Variants in CACNA1C observed in about 807,000 individuals in gnomAD.
CACNA1C encodes calcium voltage-gated channel subunit alpha1 C, also known as voltage-dependent L-type calcium channel subunit alpha-1C.
A neutral mutation model predicts 229.0 loss-of-function variants in CACNA1C; 30 were observed. The observed-to-expected ratio is 0.13, with a 90% CI of 0.10 to 0.18. The LOEUF (loss-of-function observed/expected upper bound fraction) is 0.18, where lower values mean the gene tolerates loss of function less well. Ranked by LOEUF, CACNA1C falls within the 10% of genes least tolerant of loss-of-function variation. CACNA1C has a pLI of 1.00. For synonymous variants in CACNA1C, 1,114 were observed against 1,132.5 expected (o/e 0.98, Z 0.33); for missense variants, 1,658 against 2,845.0 (o/e 0.58, Z 9.49).
At position 2,680,515 on chromosome 12, in the gene CACNA1C, G is replaced by A. The variant is rs765829807; in HGVS notation, c.5444+719G>A. Reference sequence around the variant, plus strand: ...ATCGTGCCTGGCCACGCTTCACTGTGCTGCTCTTCCAGAGTAGGAGAGTGG... The same window carrying A: ...ATCGTGCCTGGCCACGCTTCACTGTACTGCTCTTCCAGAGTAGGAGAGTGG... On this transcript the variant is annotated intron_variant, in intron 42 of 46. Coordinates refer to ENST00000399655, the MANE Select transcript of CACNA1C (RefSeq NM_000719.7). The A allele has an allele frequency of 5.5e-5, 87 of 1,573,712 alleles. No homozygotes were observed. In the East Asian group the frequency reaches 1.9e-3, roughly 34 times the overall value.
chr12:2,291,686 C>G (rs965931207), intron 3 of CACNA1C, among the ~76,000 whole-genome samples: 10 of 152,136 alleles, frequency 6.6e-5, no homozygotes, highest in African/African-American at 2.4e-4. Context: ...TTGGAAGTGC[C>G]TGTTCTGGGT....
At position 2,596,012 on chromosome 12, in the gene CACNA1C, C is replaced by A; in HGVS notation, c.2793+9C>A. The A allele has an allele frequency of 6.2e-7, 1 of 1,609,290 alleles. No homozygotes were observed. Among genetic ancestry groups the A allele is most frequent in the Non-Finnish European group, 8.5e-7 (1 of 1,177,172 alleles). On this transcript the variant is annotated intron_variant, in intron 20 of 46. Coordinates refer to ENST00000399655, the MANE Select transcript of CACNA1C (RefSeq NM_000719.7). Reference sequence around the variant, plus strand: ...CCTCCTTCAGGAACCATGTATGCATCGCCTGTGTCTTCTGCACTCCTTCCC... The same window carrying A: ...CCTCCTTCAGGAACCATGTATGCATAGCCTGTGTCTTCTGCACTCCTTCCC...
Position 2,608,363 on chromosome 12 carries a change from A to C in CACNA1C, c.3357-148A>C, listed in dbSNP as rs1601922483. 1.7e-6 allele frequency: 1 copy of C among 578,250 alleles called. No individual in the cohort carries two copies. 35.8% of individuals were successfully genotyped at this position (578,250 alleles called of 1,614,324 possible). On this transcript the variant is annotated intron_variant, in intron 26 of 46. Transcript: ENST00000399655. The surrounding 1 kb of genome is among the most constrained non-coding windows in gnomAD (Gnocchi z 4.2). ...GGTTAAACGCTTTGCCCAAGGTCAC[A>C]CAGCCAGTAAGAGGCCGAGCTGGGA... is the stretch of plus-strand genomic sequence containing the variant.
At chr12:2,510,762 A>G (rs1251506346) in intron 8 of CACNA1C, among the ~76,000 whole-genome samples, 2 of 152,192 alleles carry the variant, frequency 1.3e-5, no homozygotes, top group African/African-American at 4.8e-5. Flanking sequence ...TGCAACTCCA[A>G]ACCCACCCCA....
chr12:2,085,937 C>T (rs890579465), intron 1 of CACNA1C, among the ~76,000 whole-genome samples: 4 of 152,162 alleles, frequency 2.6e-5, no homozygotes, highest in Non-Finnish European at 4.4e-5. Context: ...TTGGATATGC[C>T]GTTCCCTGTA....
rs2067425508 is a variant in CACNA1C at position 2,595,003 on chromosome 12, GGTTGGTGGGAGGGGTT to G, written c.2664-864_2664-849del. Among the ~76,000 whole-genome samples the G allele has an allele frequency of 6.6e-6, 1 of 152,198 alleles. No individual in the cohort carries two copies. Among genetic ancestry groups the G allele is most frequent in the Non-Finnish European group, 1.5e-5 (1 of 68,036 alleles). ...CCATACGTAGCCTCAGCTCAGTGGA[GGTTGGTGGGAGGGGTT>G]GTTGGTTTGAAGCAGATGATTCTTA... On this transcript the variant is annotated intron_variant, in intron 19 of 46. Transcript: ENST00000399655. The surrounding 1 kb of genome is among the most constrained non-coding windows in gnomAD (Gnocchi z 4.1).
At position 2,634,306 on chromosome 12, in the gene CACNA1C, T is replaced by C. The variant is rs770688034; in HGVS notation, c.3838T>C (p.Cys1280Arg). 2 of 1,564,888 alleles carry C rather than the reference T, an allele frequency of 1.3e-6. No individual in the cohort carries two copies. The highest frequency in any genetic ancestry group is 1.7e-6 in the Non-Finnish European group (2 of 1,150,192). The change falls in exon 30 of 47, where the codon TGT becomes CGT. Residue 1280 changes from cysteine (C) to arginine (R), a missense_variant. Around this residue, in one of 20 missense-constraint regions of CACNA1C, gnomAD observed 7 missense variants for 36.4 expected, o/e 0.19. Coordinates refer to ENST00000399655, the MANE Select transcript of CACNA1C (RefSeq NM_000719.7). ...GCTCTGCCCCATGCAGCACTATTTC[T>C]GTGATGCATGGAATACATTTGACGC... ...LIAFKPKHYF[C>R]DAWNTFDALI...
intron 3 of CACNA1C, among the ~76,000 whole-genome samples, chr12:2,145,533 A>T (rs1212907867): frequency 1.3e-5 from 2 of 151,142 alleles, no homozygotes; most frequent in East Asian, 1.9e-4. Flanking sequence ...TTGTAGGTTT[A>T]TACATGTGTT....
At chr12:2,389,830 G>A (rs1407808868) in intron 3 of CACNA1C, among the ~76,000 whole-genome samples, 2 of 152,066 alleles carry the variant, frequency 1.3e-5, no homozygotes, top group South Asian at 4.2e-4. Flanking sequence ...CTCCGGCACC[G>A]AATCCCTCCT....
Position 2,053,748 on chromosome 12 carries a change from C to A in CACNA1C, c.49+137C>A. On this transcript the variant is annotated intron_variant, in intron 1 of 46. Coordinates refer to ENST00000399655, the MANE Select transcript of CACNA1C (RefSeq NM_000719.7). The surrounding 1 kb of genome is among the most constrained non-coding windows in gnomAD (Gnocchi z 5.8). ...CCGCGTCCGCGAGGGGCGCCTCCGC[C>A]TCGTCGGAGCGCCCGGGAGCCCGGC... is the stretch of plus-strand genomic sequence containing the variant. 3 of 884,414 alleles carry A rather than the reference C, an allele frequency of 3.4e-6. No homozygotes were observed. The highest frequency in any genetic ancestry group is 2.9e-6 in the Non-Finnish European group (2 of 684,104). The allele number at this position is 884,414 out of a possible 1,614,324, so 54.8% of individuals were successfully genotyped here.
intron 3 of CACNA1C, among the ~76,000 whole-genome samples, chr12:2,308,073 TAC>T (rs1175640010): frequency 2.0e-5 from 3 of 152,290 alleles, no homozygotes; most frequent in South Asian, 4.1e-4. Flanking sequence ...AATACTGACT[TAC>T]ATAGTAAAGA....
At chr12:2,656,221 TGATAAACTAATTCAGTAA>T (rs2095413868) in intron 34 of CACNA1C, among the ~76,000 whole-genome samples, 2 of 152,222 alleles carry the variant, frequency 1.3e-5, no homozygotes, top group South Asian at 4.1e-4. Context: ...CTATTACAAC[TGATAAACTAATTCAGTAA>T]AGTTGCAGGA....
chr12:2,514,630 G>A (rs540481913), intron 9 of CACNA1C, among the ~76,000 whole-genome samples: 2 of 152,228 alleles, frequency 1.3e-5, no homozygotes, highest in South Asian at 2.1e-4. Context: ...TTTGTATGCT[G>A]GCTCCTGGCT....
chr12:2,004,692 A>C, intron 1 of CACNA1C: 1 of 496,256 alleles, frequency 2.0e-6, no homozygotes, highest in Non-Finnish European at 3.6e-6. Context: ...TTCTTTCTCC[A>C]AGAGCTGTTT....
At chr12:2,087,057 C>A (rs953690909) in intron 1 of CACNA1C, among the ~76,000 whole-genome samples, 5 of 152,132 alleles carry the variant, frequency 3.3e-5, no homozygotes, top group Non-Finnish European at 7.3e-5. Flanking sequence ...GATCTTCTAT[C>A]TCCCAGGCTG....
Position 2,696,681 on chromosome 12 carries a change from G to T in CACNA1C, c.*5482G>T, listed in dbSNP as rs746095788. 3 of 151,778 alleles carry T rather than the reference G, an allele frequency of 2.0e-5. No individual in the cohort carries two copies. Among genetic ancestry groups the T allele is most frequent in the Admixed American group, 2.0e-4 (3 of 15,252 alleles). The allele number at this position is 151,778 out of a possible 1,614,324, so 9.4% of individuals were successfully genotyped here. On this transcript the variant is annotated 3_prime_UTR_variant, in exon 47 of 47. Transcript: ENST00000399655. Reference sequence around the variant, plus strand: ...GGTCATTTCTATGTGAGGAAATGCAGAAATGGACAGAATGATTCTTATTCA... The same window carrying T: ...GGTCATTTCTATGTGAGGAAATGCATAAATGGACAGAATGATTCTTATTCA...
chr12:2,170,964 C>G (rs2096455024), intron 3 of CACNA1C, among the ~76,000 whole-genome samples: 1 of 152,182 alleles, frequency 6.6e-6, no homozygotes, highest in Admixed American at 6.5e-5. Flanking sequence ...CTGGTCTGTC[C>G]CTGTGCTTGG....
intron 1 of CACNA1C, among the ~76,000 whole-genome samples, chr12:2,036,561 G>A (rs1007370751): frequency 6.6e-6 from 1 of 152,068 alleles, no homozygotes; most frequent in African/African-American, 2.4e-5. Flanking sequence ...TGCCTCTCGG[G>A]TTCAAGAGAT....
At chr12:2,138,681 C>T (rs1037786719) in intron 3 of CACNA1C, among the ~76,000 whole-genome samples, 7 of 151,042 alleles carry the variant, frequency 4.6e-5, no homozygotes, top group African/African-American at 1.7e-4. Flanking sequence ...TTCAGCCACA[C>T]GCCGGGCTCC....
Sources: gnomAD v4.1 joint callset for allele counts (sites outside exome capture counted in the v4.1 genomes callset) on GRCh38, gnomAD v4.1.1 for gene constraint, gnomAD v4.1.1 regional missense constraint, Gnocchi (gnomAD v3.1) non-coding constraint, MANE v1.5 for transcripts, NCBI Gene and HGNC (gene_info 2026-07-23, HGNC 2026-07-21) for gene names.